HTR1E: variants seen among roughly 807,000 people sequenced by gnomAD.
The protein encoded by HTR1E is 5-hydroxytryptamine receptor 1E.
Under a neutral mutation model 3.4 loss-of-function variants are expected in HTR1E, and 3 were observed. The observed-to-expected ratio is 0.89, with a 90% CI of 0.41 to 2.31. HTR1E has a LOEUF of 2.31. Among genes scored for constraint, HTR1E ranks in the 30% most tolerant of loss-of-function variants. HTR1E has a pLI of 0.05. For missense variants in HTR1E, 392 were observed against 467.0 expected (o/e 0.84, Z 1.48); for synonymous variants, 170 against 182.8 (o/e 0.93, Z 0.56).
At chr6:86,999,871 C>T (rs1345040477) in intron 1 of HTR1E, among the ~76,000 whole-genome samples, 1 of 152,130 alleles carries the variant, frequency 6.6e-6, no homozygotes, top group Non-Finnish European at 1.5e-5. Context: ...GGAGTGCTCC[C>T]TGGTGAGGTG....
chr6:86,984,399 G>C (rs1008241756), intron 1 of HTR1E, among the ~76,000 whole-genome samples: 3 of 152,146 alleles, frequency 2.0e-5, no homozygotes, highest in African/African-American at 7.2e-5. Flanking sequence ...CCAAAGCACA[G>C]CCATTTGAGC....
chr6:86,981,822 G>T (rs1475681091), intron 1 of HTR1E, among the ~76,000 whole-genome samples: 1 of 152,198 alleles, frequency 6.6e-6, no homozygotes, highest in African/African-American at 2.4e-5. Context: ...GGAAGGGAAA[G>T]AGTCAGGATT....
chr6:86,959,627 G>C (rs922045018), intron 1 of HTR1E, among the ~76,000 whole-genome samples: 1 of 152,168 alleles, frequency 6.6e-6, no homozygotes, highest in African/African-American at 2.4e-5. Context: ...ATCATGGGCA[G>C]GATGACGGAA....
chr6:86,942,591 C>T (rs1768561506), intron 1 of HTR1E, among the ~76,000 whole-genome samples: 2 of 152,152 alleles, frequency 1.3e-5, no homozygotes, highest in African/African-American at 4.8e-5. Context: ...AATTCAATTC[C>T]TTACACAATG....
At chr6:86,967,494 TGATCCATA>T (rs1767487156) in intron 1 of HTR1E, among the ~76,000 whole-genome samples, 1 of 152,214 alleles carries the variant, frequency 6.6e-6, no homozygotes, top group East Asian at 1.9e-4. Flanking sequence ...AGTAGTGCAA[TGATCCATA>T]AATAGCTATT....
At chr6:87,005,454 T>C (rs996259599) in intron 1 of HTR1E, among the ~76,000 whole-genome samples, 3 of 152,208 alleles carry the variant, frequency 2.0e-5, no homozygotes, top group African/African-American at 7.2e-5. Flanking sequence ...CATGAACTTA[T>C]TTTTGACAAA....
chr6:86,961,364 AT>A (rs1221010342), intron 1 of HTR1E, among the ~76,000 whole-genome samples: 1 of 152,210 alleles, frequency 6.6e-6, no homozygotes, highest in Non-Finnish European at 1.5e-5. Flanking sequence ...AAGAAAAAGA[AT>A]TTTTTTAATT....
chr6:87,006,401 T>A (rs1034005470), intron 1 of HTR1E, among the ~76,000 whole-genome samples: 1 of 152,044 alleles, frequency 6.6e-6, no homozygotes, highest in African/African-American at 2.4e-5. Context: ...GTCAGAACAG[T>A]GATTATTAAA....
At chr6:86,992,938 G>A (rs1202293356) in intron 1 of HTR1E, among the ~76,000 whole-genome samples, 1 of 152,092 alleles carries the variant, frequency 6.6e-6, no homozygotes, top group East Asian at 1.9e-4. Flanking sequence ...GGTGGGTGTG[G>A]CTAAGAATAT....
At chr6:86,951,298 T>C (rs1307486880) in intron 1 of HTR1E, among the ~76,000 whole-genome samples, 4 of 152,224 alleles carry the variant, frequency 2.6e-5, no homozygotes, top group Admixed American at 2.6e-4. Context: ...AAACTCTTCT[T>C]ATCAGCCTTT....
intron 1 of HTR1E, among the ~76,000 whole-genome samples, chr6:86,993,203 T>A (rs906181344): frequency 2.6e-5 from 4 of 152,044 alleles, no homozygotes; most frequent in Non-Finnish European, 5.9e-5. Flanking sequence ...TGACAGTATA[T>A]AAGAACTCTC....
At chr6:86,944,103 CAA>C (rs910287367) in intron 1 of HTR1E, among the ~76,000 whole-genome samples, 4 of 152,248 alleles carry the variant, frequency 2.6e-5, no homozygotes, top group African/African-American at 9.6e-5. Context: ...GGGCTACTAA[CAA>C]AACAGAGTGC....
At position 87,010,252 on chromosome 6, in the gene HTR1E, TAG is replaced by T. The variant is rs1562074455; in HGVS notation, c.-185-4897_-185-4896del. Among the ~76,000 whole-genome samples the T allele has an allele frequency of 1.0e-3, 104 of 101,238 alleles. 1 individual carries two copies. The highest frequency in any genetic ancestry group is 4.7e-3 in the South Asian group (11 of 2,318). The allele number at this position is 101,238 out of a possible 152,430, so 66.4% of individuals were successfully genotyped here. Reference sequence around the variant, plus strand: ...GGCTGAGGGGCTCCTCACTTCTCAGTAGGGGCGGCCGGGCAGAGGTGCCCCTC... The same window carrying T: ...GGCTGAGGGGCTCCTCACTTCTCAGTGGGCGGCCGGGCAGAGGTGCCCCTC... On this transcript the variant is annotated intron_variant, in intron 1 of 1. Transcript: ENST00000305344.
intron 1 of HTR1E, among the ~76,000 whole-genome samples, chr6:86,961,711 G>A (rs74559531): frequency 0.037 from 5,638 of 152,302 alleles, 117 homozygotes; most frequent in African/African-American, 0.046. Flanking sequence ...TTTGAGCACC[G>A]ACTATAACCT....
intron 1 of HTR1E, among the ~76,000 whole-genome samples, chr6:87,011,307 G>C (rs1768230323): frequency 6.6e-6 from 1 of 152,218 alleles, no homozygotes; most frequent in South Asian, 2.1e-4. Context: ...GTGGTATCTG[G>C]AAGTGTCTAG....
At chr6:86,963,724 G>A (rs1478513370) in intron 1 of HTR1E, among the ~76,000 whole-genome samples, 1 of 152,122 alleles carries the variant, frequency 6.6e-6, no homozygotes, top group East Asian at 1.9e-4. Context: ...ACAGTAACAT[G>A]CTATACAGGT....
At chr6:86,958,018 G>T (rs1767349731) in intron 1 of HTR1E, among the ~76,000 whole-genome samples, 1 of 151,260 alleles carries the variant, frequency 6.6e-6, no homozygotes, top group African/African-American at 2.4e-5. Flanking sequence ...TTTTAACTGG[G>T]CGTGGGCAGG....
At chr6:86,988,606 C>T (rs1767828835) in intron 1 of HTR1E, among the ~76,000 whole-genome samples, 1 of 152,160 alleles carries the variant, frequency 6.6e-6, no homozygotes, top group African/African-American at 2.4e-5. Flanking sequence ...ATGCCTACTC[C>T]TTATTCCAAA....
intron 1 of HTR1E, among the ~76,000 whole-genome samples, chr6:86,979,921 G>A (rs1014822247): frequency 1.2e-4 from 19 of 152,110 alleles, no homozygotes; most frequent in African/African-American, 4.6e-4. Flanking sequence ...GAAGGTTACA[G>A]AAACGGTCCA....
Sources: allele counts gnomAD v4.1 joint callset (sites outside exome capture counted in the v4.1 genomes callset), GRCh38; gene constraint gnomAD v4.1.1; transcripts MANE v1.5; gene names NCBI Gene and HGNC (gene_info 2026-07-23, HGNC 2026-07-21).